Variants in ARHGAP8 observed in about 807,000 individuals in gnomAD.
The protein encoded by ARHGAP8 is Rho GTPase activating protein 8.
Under a neutral mutation model 46.1 loss-of-function variants are expected in ARHGAP8, and 62 were observed. The ratio of observed to expected loss-of-function variants is 1.34; its 90% CI spans 1.10 to 1.66. ARHGAP8 has a LOEUF of 1.66. Ranked by LOEUF, ARHGAP8 falls within the 40% of genes most tolerant of loss-of-function variation. ARHGAP8 has a pLI of 0.00. For synonymous variants in ARHGAP8, 375 were observed against 243.1 expected, an observed-to-expected ratio of 1.54 and a Z score of -5.05; for missense variants, 923 against 568.4, an observed-to-expected ratio of 1.62 and a Z score of -6.34.
chr22:44,797,937 T>C (rs1364573859), intron 2 of ARHGAP8, among the ~76,000 whole-genome samples: 1 of 151,618 alleles, frequency 6.6e-6, no homozygotes, highest in Non-Finnish European at 1.5e-5. Context: ...CCTCCCAAAG[T>C]GCTGGGATTA....
At chr22:44,856,661 C>T (rs1264406007) in intron 10 of ARHGAP8, among the ~76,000 whole-genome samples, 1 of 144,268 alleles carries the variant, frequency 6.9e-6, no homozygotes, top group Non-Finnish European at 1.5e-5. Context: ...GTTCTCAGGA[C>T]ACAAAACAAG....
At chr22:44,764,813 C>T (rs1041932889) in intron 1 of ARHGAP8, among the ~76,000 whole-genome samples, 13 of 152,198 alleles carry the variant, frequency 8.5e-5, no homozygotes, top group African/African-American at 3.1e-4. Context: ...TACGTGTGCG[C>T]ATTACGTGTC....
chr22:44,824,024 A>G (rs1267435692), intron 6 of ARHGAP8, among the ~76,000 whole-genome samples: 1 of 152,158 alleles, frequency 6.6e-6, no homozygotes, highest in Non-Finnish European at 1.5e-5. Flanking sequence ...ATGCTTTTAA[A>G]TGAGCAGCTT....
intron 7 of ARHGAP8, among the ~76,000 whole-genome samples, chr22:44,840,541 G>C (rs1931582566): frequency 6.6e-6 from 1 of 152,156 alleles, no homozygotes; most frequent in Non-Finnish European, 1.5e-5. Flanking sequence ...AAACAGAGTG[G>C]TTTATAAACA....
chr22:44,799,704 C>A (rs1928344544), intron 2 of ARHGAP8, among the ~76,000 whole-genome samples: 1 of 151,938 alleles, frequency 6.6e-6, no homozygotes, highest in Middle Eastern at 3.2e-3. Flanking sequence ...TTACCTGTGT[C>A]CTTGTGTGTT....
At chr22:44,824,223 C>T (rs1930348198) in intron 6 of ARHGAP8, among the ~76,000 whole-genome samples, 2 of 152,188 alleles carry the variant, frequency 1.3e-5, no homozygotes, top group Non-Finnish European at 2.9e-5. Context: ...CCTCAGTTTC[C>T]CAATCTGTAA....
intron 1 of ARHGAP8, among the ~76,000 whole-genome samples, chr22:44,784,658 T>C (rs577991800): frequency 6.6e-6 from 1 of 152,250 alleles, no homozygotes; most frequent in East Asian, 1.9e-4. Context: ...TAATCCACGA[T>C]AACCCACTCA....
intron 3 of ARHGAP8, among the ~76,000 whole-genome samples, chr22:44,805,410 T>G (rs762743609): frequency 6.6e-6 from 1 of 152,256 alleles, no homozygotes; most frequent in Non-Finnish European, 1.5e-5. Flanking sequence ...GTGAATGTAC[T>G]AGATGCCTGA....
At chr22:44,756,205 T>C (rs1924659092) in intron 1 of ARHGAP8, among the ~76,000 whole-genome samples, 1 of 152,094 alleles carries the variant, frequency 6.6e-6, no homozygotes, top group South Asian at 2.1e-4. Flanking sequence ...CTGAAACTCC[T>C]GGGTAGCTCC....
chr22:44,861,894 C>G (rs943529911), intron 11 of ARHGAP8, among the ~76,000 whole-genome samples: 1 of 152,180 alleles, frequency 6.6e-6, no homozygotes. Flanking sequence ...GGCTGGTCCC[C>G]ATCATGCCCA....
intron 5 of ARHGAP8, among the ~76,000 whole-genome samples, chr22:44,821,441 G>A (rs1930140880): frequency 6.7e-6 from 1 of 149,494 alleles, no homozygotes. Context: ...AAAAAAAAAA[G>A]TTGTATATCT....
intron 7 of ARHGAP8, among the ~76,000 whole-genome samples, chr22:44,843,353 A>C (rs1602254316): frequency 6.6e-6 from 1 of 152,348 alleles, no homozygotes; most frequent in East Asian, 1.9e-4. Context: ...TAGAATGCCA[A>C]ATAGAAATTG....
Position 44,860,667 on chromosome 22 carries a change from A to C in ARHGAP8, c.981+833A>C, listed in dbSNP as rs564683427. ...CACCAGGCTAAGCAAATGACCAGAG[A>C]GAGAGAAACCCTTCAGTGCTCTGGG... On this transcript the variant is annotated intron_variant, in intron 11 of 11. Transcript: ENST00000356099. Among the ~76,000 whole-genome samples, 13 of 152,242 alleles carry C rather than the reference A, an allele frequency of 8.5e-5. 1 individual carries two copies. In the South Asian group the frequency reaches 2.7e-3, roughly 32 times the overall value.
chr22:44,804,374 G>C (rs551073365), intron 3 of ARHGAP8, among the ~76,000 whole-genome samples: 21 of 151,892 alleles, frequency 1.4e-4, no homozygotes, highest in African/African-American at 4.8e-4. Context: ...TGGAATCCCT[G>C]TCTGTGTGAG....
chr22:44,852,885 C>A (rs1434104627), intron 10 of ARHGAP8, among the ~76,000 whole-genome samples: 1 of 152,178 alleles, frequency 6.6e-6, no homozygotes, highest in Non-Finnish European at 1.5e-5. Flanking sequence ...TCAGTGCAAC[C>A]TCCACCTCCC....
chr22:44,806,290 TTC>T (rs1375953823), intron 3 of ARHGAP8, among the ~76,000 whole-genome samples: 5 of 152,234 alleles, frequency 3.3e-5, no homozygotes, highest in African/African-American at 1.2e-4. Context: ...CCACATGGTG[TTC>T]GAGACAGCAC....
chr22:44,779,697 G>A (rs895515865), intron 1 of ARHGAP8, among the ~76,000 whole-genome samples: 4 of 151,746 alleles, frequency 2.6e-5, no homozygotes, highest in African/African-American at 9.7e-5. Flanking sequence ...GAGTAGCCGG[G>A]ATTACAGGTG....
chr22:44,796,476 C>T (rs560426610), intron 2 of ARHGAP8, among the ~76,000 whole-genome samples: 9 of 112,564 alleles, frequency 8.0e-5, no homozygotes, highest in South Asian at 5.5e-4. Flanking sequence ...TTATTCATGG[C>T]GGGGGTGGGG....
At chr22:44,803,580 T>G (rs545394682) in intron 3 of ARHGAP8, among the ~76,000 whole-genome samples, 75 of 147,938 alleles carry the variant, frequency 5.1e-4, no homozygotes, top group Middle Eastern at 3.5e-3. Flanking sequence ...CTGCGTTCTG[T>G]GCCAGTCCCC....
Sources: allele counts gnomAD v4.1 joint callset (sites outside exome capture counted in the v4.1 genomes callset), GRCh38; gene constraint gnomAD v4.1.1; transcripts MANE v1.5; gene names NCBI Gene and HGNC (gene_info 2026-07-23, HGNC 2026-07-21).